The following WDR27 variants were observed in gnomAD, a reference collection of about 807,000 sequenced individuals.
WDR27 encodes the protein WD repeat-containing protein 27.
In WDR27, 100 loss-of-function variants were observed where a neutral mutation model predicts 114.4. The ratio of observed to expected loss-of-function variants is 0.87; its 90% confidence interval spans 0.74 to 1.03. WDR27 has a LOEUF of 1.03. Ranked by LOEUF, WDR27 falls within the 50% of genes least tolerant of loss-of-function variation. The pLI, the probability that WDR27 is intolerant of heterozygous loss-of-function variation, is 0.00. For missense variants in WDR27, 1,129 were observed against 1,092.9 expected (o/e 1.03, Z -0.47); for synonymous variants, 449 against 423.1 (o/e 1.06, Z -0.75).
chr6:169,669,137 GTTGA>G (rs1828687891), intron 4 of WDR27, among the ~76,000 whole-genome samples: 1 of 152,116 alleles, frequency 6.6e-6, no homozygotes, highest in Non-Finnish European at 1.5e-5. Flanking sequence ...GACATTTTAT[GTTGA>G]TTAAAAAGTG....
intron 23 of WDR27, among the ~76,000 whole-genome samples, chr6:169,583,478 T>TGG (rs1803887019): frequency 4.6e-5 from 1 of 21,698 alleles, no homozygotes; most frequent in African/African-American, 1.2e-4. Context: ...TGTGTGTGTG[T>TGG]GTATATATAC....
chr6:169,499,069 G>A (rs1327985499), intron 25 of WDR27, among the ~76,000 whole-genome samples: 4 of 152,208 alleles, frequency 2.6e-5, no homozygotes, highest in African/African-American at 4.8e-5. Context: ...AGTGTCTTAA[G>A]CTACAGCACT....
Position 169,626,878 on chromosome 6 carries a change from T to A in WDR27, c.2223+6069A>T, listed in dbSNP as rs1814991723. On this transcript the variant is annotated intron_variant, in intron 21 of 25. Transcript: ENST00000448612. ...CGGACTGGGCATGAGGATGCCCCGC[T>A]GTGGACGCCAACAGCACCACTGGGC... 2.0e-5 allele frequency among the ~76,000 whole-genome samples: 3 copies of A among 152,246 alleles called. No individual in the cohort carries two copies. In the South Asian group the frequency reaches 6.2e-4, roughly 31 times the overall value.
chr6:169,522,800 TAGCA>T (rs1794538820), intron 25 of WDR27, among the ~76,000 whole-genome samples: 1 of 151,846 alleles, frequency 6.6e-6, no homozygotes, highest in African/African-American at 2.4e-5. Flanking sequence ...TCTATGGATA[TAGCA>T]AAAATAGTAC....
rs1307117479 is a variant in WDR27 at position 169,532,102 on chromosome 6, T to C, written c.2645+40317A>G. Reference sequence around the variant, plus strand: ...GATACAACAAATTATATACTTATCATTGTACATTTTTAATTTTAATACAAG... The same window carrying C: ...GATACAACAAATTATATACTTATCACTGTACATTTTTAATTTTAATACAAG... On this transcript the variant is annotated intron_variant, in intron 25 of 25. Transcript: ENST00000448612. Among the ~76,000 whole-genome samples, 4 of 152,186 alleles carry C rather than the reference T, an allele frequency of 2.6e-5. No individual in the cohort carries two copies. In the South Asian group the frequency reaches 8.3e-4, roughly 31 times the overall value.
At position 169,659,370 on chromosome 6, in the gene WDR27, A is replaced by G. The variant is rs537378787; in HGVS notation, c.1197+81T>C. On this transcript the variant is annotated intron_variant, in intron 11 of 25. Transcript: ENST00000448612. This position sits in a 1 kb window ranked among gnomAD's most constrained non-coding sequence, Gnocchi z 4.3. ...CACACAAAATCCCGTTTACTCAGCC[A>G]GTCGTTACAGGATCACTCTGAAGAA... 5.2e-5 allele frequency: 82 copies of G among 1,582,836 alleles called. No homozygotes were observed. Among genetic ancestry groups the G allele is most frequent in the Non-Finnish European group, 6.5e-5 (75 of 1,158,428 alleles).
chr6:169,563,898 A>G lies in WDR27; in HGVS notation c.2645+8521T>C, dbSNP rs73037124. On this transcript the variant is annotated intron_variant, in intron 25 of 25. Transcript: ENST00000448612. ...TCCGTGACATGATCCAGCCTTCACAAGACAGTGGCTGTATCAGTCAGGGAT... is the reference window on the plus strand; with the variant it reads ...TCCGTGACATGATCCAGCCTTCACAGGACAGTGGCTGTATCAGTCAGGGAT... Among the ~76,000 whole-genome samples the G allele has an allele frequency of 2.0e-3, 300 of 152,346 alleles. 1 individual carries two copies. Among genetic ancestry groups the G allele is most frequent in the Admixed American group, 3.5e-3 (53 of 15,308 alleles).
chr6:169,663,297 T>C (rs1206487481), intron 8 of WDR27, among the ~76,000 whole-genome samples: 1 of 137,206 alleles, frequency 7.3e-6, no homozygotes, highest in South Asian at 2.5e-4. Context: ...AAAAAATTGG[T>C]ATACTGGATA....
At chr6:169,481,965 T>C (rs1464425374) in intron 25 of WDR27, among the ~76,000 whole-genome samples, 2 of 152,208 alleles carry the variant, frequency 1.3e-5, no homozygotes, top group Non-Finnish European at 2.9e-5. Flanking sequence ...CCCCCTACTG[T>C]TGAGTACATC....
intron 25 of WDR27, among the ~76,000 whole-genome samples, chr6:169,485,002 C>T (rs911938994): frequency 6.6e-6 from 1 of 152,128 alleles, no homozygotes; most frequent in Non-Finnish European, 1.5e-5. Context: ...CTTCCTTTAG[C>T]CATATACAAA....
At chr6:169,542,623 T>C (rs1413796106) in intron 25 of WDR27, among the ~76,000 whole-genome samples, 1 of 152,096 alleles carries the variant, frequency 6.6e-6, no homozygotes, top group Non-Finnish European at 1.5e-5. Flanking sequence ...GATAAATAGA[T>C]AATAGTCTTG....
the WDR27 span, among the ~76,000 whole-genome samples, chr6:169,436,573 C>T: frequency 6.6e-6 from 1 of 151,976 alleles, no homozygotes; most frequent in Non-Finnish European, 1.5e-5. Flanking sequence ...ATTACTAGCT[C>T]TGTCTAATGT....
chr6:169,472,687 A>G (rs950623722), intron 25 of WDR27, among the ~76,000 whole-genome samples: 1 of 152,212 alleles, frequency 6.6e-6, no homozygotes, highest in African/African-American at 2.4e-5. Context: ...TCTTATTCCT[A>G]TAAGTAATAA....
chr6:169,631,432 G>A (rs1181205640), intron 21 of WDR27, among the ~76,000 whole-genome samples: 1 of 151,938 alleles, frequency 6.6e-6, no homozygotes, highest in African/African-American at 2.4e-5. Context: ...GGGGTGGGGG[G>A]GTGGAAGATT....
chr6:169,434,977 G>A, the WDR27 span, among the ~76,000 whole-genome samples: 11 of 152,198 alleles, frequency 7.2e-5, no homozygotes, highest in Non-Finnish European at 1.3e-4. Flanking sequence ...AGTAAAAAAT[G>A]GTTTCATGGG....
intron 13 of WDR27, among the ~76,000 whole-genome samples, chr6:169,654,986 G>A (rs1365404937): frequency 1.3e-5 from 2 of 152,210 alleles, no homozygotes; most frequent in East Asian, 1.9e-4. Context: ...ACACAGCCTC[G>A]TTGTCTCTTA....
In WDR27 at chr6:169,687,051, AT is replaced by A. The variant is rs539163925; in HGVS notation, c.189+1765del. ...TAAAAAATACAGTTAGATAGTAAGA[AT>A]AAGTTCTGGTATTCAAGAGTACAGT... On this transcript the variant is annotated intron_variant, in intron 2 of 25. Transcript: ENST00000448612. 4.7e-3 allele frequency among the ~76,000 whole-genome samples: 710 copies of A among 152,268 alleles called. 3 individuals are homozygous for A. The highest frequency in any genetic ancestry group is 8.3e-3 in the Non-Finnish European group (563 of 67,980).
chr6:169,665,266 G>C lies in WDR27; in HGVS notation c.783+220C>G. The C allele has an allele frequency of 3.8e-6, 5 of 1,327,244 alleles. No individual in the cohort carries two copies. In the South Asian group the frequency reaches 1.0e-4, roughly 27 times the overall value. 82.2% of individuals were successfully genotyped at this position (1,327,244 alleles called of 1,614,324 possible). A position where few individuals can be genotyped will look rare whatever the true frequency, so the allele number is the denominator to read the frequency against. On this transcript the variant is annotated intron_variant, in intron 7 of 25. Transcript: ENST00000448612. ...TCCAGAACCACGCATGGAGCTCTGG[G>C]ACATGCAGACCCAGCTCCTCCGCAG...
intron 25 of WDR27, among the ~76,000 whole-genome samples, chr6:169,524,736 G>A (rs1425954477): frequency 6.6e-6 from 1 of 152,140 alleles, no homozygotes; most frequent in Non-Finnish European, 1.5e-5. Context: ...ATATGCAGAA[G>A]AATGAAACTG....
Sources: allele counts gnomAD v4.1 joint callset (sites outside exome capture counted in the v4.1 genomes callset), GRCh38; gene constraint gnomAD v4.1.1; non-coding constraint Gnocchi (gnomAD v3.1); transcripts MANE v1.5; gene names NCBI Gene and HGNC (gene_info 2026-07-23, HGNC 2026-07-21).